MTHFD2L: variants seen among roughly 807,000 people sequenced by gnomAD.
The protein encoded by MTHFD2L is bifunctional methylenetetrahydrofolate dehydrogenase/cyclohydrolase 2, mitochondrial.
A neutral mutation model predicts 34.9 loss-of-function variants in MTHFD2L; 29 were observed. The observed-to-expected ratio is 0.83, with a 90% CI of 0.62 to 1.13. The LOEUF (loss-of-function observed/expected upper bound fraction) is 1.13. MTHFD2L is among the 50% of genes most tolerant of loss of function. MTHFD2L has a pLI of 0.00. For missense variants in MTHFD2L, 481 were observed against 446.5 expected (o/e 1.08, Z -0.70); for synonymous variants, 167 against 155.7 (o/e 1.07, Z -0.54).
At chr4:74,116,726 G>A (rs987685136) in intron 2 of MTHFD2L, among the ~76,000 whole-genome samples, 1 of 152,194 alleles carries the variant, frequency 6.6e-6, no homozygotes, top group African/African-American at 2.4e-5. Context: ...ACAAATGAAA[G>A]AAGATGCTCT....
intron 5 of MTHFD2L, among the ~76,000 whole-genome samples, chr4:74,217,460 C>T (rs1737386506): frequency 6.6e-6 from 1 of 151,630 alleles, no homozygotes; most frequent in African/African-American, 2.4e-5. Context: ...TTTTCCATTG[C>T]TGTTCTGTGC....
At chr4:74,126,126 G>A (rs1050868824) in intron 1 of MTHFD2L, among the ~76,000 whole-genome samples, 1 of 152,130 alleles carries the variant, frequency 6.6e-6, no homozygotes, top group Non-Finnish European at 1.5e-5. Flanking sequence ...CTAAAGCAGT[G>A]TACTGTAAGT....
chr4:74,187,173 G>A (rs1278832795), intron 3 of MTHFD2L, among the ~76,000 whole-genome samples: 3 of 152,122 alleles, frequency 2.0e-5, no homozygotes, highest in African/African-American at 7.2e-5. Context: ...AATGAAGAAT[G>A]CTTTGATGGG....
At chr4:74,185,739 A>C (rs1454175887) in intron 3 of MTHFD2L, among the ~76,000 whole-genome samples, 1 of 152,206 alleles carries the variant, frequency 6.6e-6, no homozygotes, top group East Asian at 1.9e-4. Context: ...GAAATGTCTT[A>C]ATAGCTCTGT....
chr4:74,139,657 A>T (rs1723159755), intron 1 of MTHFD2L, among the ~76,000 whole-genome samples: 1 of 152,058 alleles, frequency 6.6e-6, no homozygotes. Context: ...GTCTGCTCAA[A>T]GTTTTTTTCA....
intron 1 of MTHFD2L, among the ~76,000 whole-genome samples, chr4:74,159,884 C>T (rs1460729827): frequency 6.6e-6 from 1 of 152,008 alleles, no homozygotes; most frequent in Admixed American, 6.6e-5. Flanking sequence ...AAAGAGGGCA[C>T]TAGGCAAGTT....
intron 1 of MTHFD2L, among the ~76,000 whole-genome samples, chr4:74,168,692 G>A (rs1727275517): frequency 6.6e-6 from 1 of 152,172 alleles, no homozygotes; most frequent in Non-Finnish European, 1.5e-5. Context: ...CAATGAGCAT[G>A]TGGTGGGGAG....
rs189828328 is a variant in MTHFD2L, at chr4:74,201,246, G to A, written c.605-17G>A. 80 of 1,597,848 alleles carry A rather than the reference G, an allele frequency of 5.0e-5. No individual in the cohort carries two copies. The East Asian group carries it at 1.3e-3, about 27-fold the overall frequency. ...TTGTTGTCAATTCTGCATTTAAACC[G>A]AACTCTGTATTTTAAGGAATTCAAA... On this transcript the variant is annotated splice_polypyrimidine_tract_variant and intron_variant, in intron 4 of 7. Transcript: ENST00000325278.
chr4:74,209,945 A>T (rs1376916481), intron 5 of MTHFD2L, among the ~76,000 whole-genome samples: 1 of 152,218 alleles, frequency 6.6e-6, no homozygotes, highest in African/African-American at 2.4e-5. Flanking sequence ...TCTAATGACC[A>T]GTGATGATGA....
At chr4:74,138,375 C>G (rs572982503) in intron 1 of MTHFD2L, among the ~76,000 whole-genome samples, 14 of 152,162 alleles carry the variant, frequency 9.2e-5, no homozygotes, top group Non-Finnish European at 1.8e-4. Context: ...GCTCCCAATA[C>G]GGCAGCAAAC....
chr4:74,266,704 G>A (rs2110235669), intron 6 of MTHFD2L: 1 of 254,916 alleles, frequency 3.9e-6, no homozygotes, highest in Non-Finnish European at 6.2e-6. Flanking sequence ...AAAGTGCTAG[G>A]CTTTTGAAAT....
intron 3 of MTHFD2L, among the ~76,000 whole-genome samples, chr4:74,197,785 G>A (rs1224352016): frequency 6.6e-6 from 1 of 151,940 alleles, no homozygotes; most frequent in Non-Finnish European, 1.5e-5. Flanking sequence ...TGATGTAAAG[G>A]TAATATAATC....
At chr4:74,185,001 A>T (rs1323857456) in intron 3 of MTHFD2L, among the ~76,000 whole-genome samples, 1 of 151,830 alleles carries the variant, frequency 6.6e-6, no homozygotes, top group Non-Finnish European at 1.5e-5. Context: ...TACAAAAAAA[A>T]ATTAGCTGGG....
At chr4:74,134,439 G>A (rs1400583498) in intron 1 of MTHFD2L, among the ~76,000 whole-genome samples, 2 of 152,066 alleles carry the variant, frequency 1.3e-5, no homozygotes, top group African/African-American at 4.8e-5. Flanking sequence ...GGCTTATGGC[G>A]CCATCTAGAG....
At chr4:74,226,757 C>A (rs531480483) in intron 6 of MTHFD2L, among the ~76,000 whole-genome samples, 1 of 152,206 alleles carries the variant, frequency 6.6e-6, no homozygotes, top group East Asian at 1.9e-4. Context: ...TCCTATGCAG[C>A]AGTATCTGTT....
intron 6 of MTHFD2L, among the ~76,000 whole-genome samples, chr4:74,238,293 T>C (rs753630542): frequency 2.0e-4 from 31 of 152,172 alleles, no homozygotes; most frequent in Non-Finnish European, 3.5e-4. Context: ...TATTGGTATA[T>C]ATCTGTGGTG....
At chr4:74,242,468 T>G (rs1741863287) in intron 6 of MTHFD2L, among the ~76,000 whole-genome samples, 1 of 152,188 alleles carries the variant, frequency 6.6e-6, no homozygotes, top group African/African-American at 2.4e-5. Context: ...CTGAAACATC[T>G]TATTTAAATC....
chr4:74,271,003 C>A (rs1745910139), intron 6 of MTHFD2L, among the ~76,000 whole-genome samples: 1 of 152,072 alleles, frequency 6.6e-6, no homozygotes, highest in Non-Finnish European at 1.5e-5. Flanking sequence ...CCTTCGCCCA[C>A]TTGTTGATGG....
At chr4:74,197,009 C>T (rs922436144) in intron 3 of MTHFD2L, among the ~76,000 whole-genome samples, 3 of 150,788 alleles carry the variant, frequency 2.0e-5, no homozygotes, top group Non-Finnish European at 2.9e-5. Context: ...TCTACAGTGT[C>T]CTAAAGGCAT....
Sources: gnomAD v4.1 joint callset for allele counts (sites outside exome capture counted in the v4.1 genomes callset) on GRCh38, gnomAD v4.1.1 for gene constraint, MANE v1.5 for transcripts, NCBI Gene and HGNC (gene_info 2026-07-23, HGNC 2026-07-21) for gene names.